The following BANF2 variants were observed in gnomAD, a reference collection of about 807,000 sequenced individuals.
The protein encoded by BANF2 is BANF family member 2.
Under a neutral mutation model 8.0 loss-of-function variants are expected in BANF2, and 4 were observed. The observed-to-expected ratio is 0.50, with a 90% confidence interval of 0.25 to 1.14. The LOEUF (loss-of-function observed/expected upper bound fraction) is 1.14. BANF2 is among the 50% of genes most tolerant of loss of function. The pLI is 0.16. For missense variants in BANF2, 96 were observed against 107.5 expected (o/e 0.89, Z 0.47); for synonymous variants, 50 against 40.6 (o/e 1.23, Z -0.88).
chr20:17,712,713 C>T (rs966537977), intron 1 of BANF2, among the ~76,000 whole-genome samples: 8 of 152,042 alleles, frequency 5.3e-5, no homozygotes, highest in Non-Finnish European at 8.8e-5. Context: ...TTCTCCCTCC[C>T]GAGACAACAT....
chr20:17,693,993 G>T (rs943473317), intron 1 of BANF2, among the ~76,000 whole-genome samples: 3 of 152,234 alleles, frequency 2.0e-5, no homozygotes, highest in Non-Finnish European at 4.4e-5. Context: ...ACTGGGGTGG[G>T]AACAAGCAGC....
upstream of BANF2, chr20:17,699,941 T>G (rs1265275831): frequency 1.0e-6 from 1 of 974,578 alleles, no homozygotes; most frequent in East Asian, 1.1e-4. Context: ...TTCAGGATCT[T>G]GAGACTGATT....
intron 1 of BANF2, among the ~76,000 whole-genome samples, chr20:17,701,883 G>A (rs896771530): frequency 1.3e-5 from 2 of 152,184 alleles, no homozygotes; most frequent in Non-Finnish European, 2.9e-5. Context: ...CTGATCAAAC[G>A]TTCCCATGCC....
intron 3 of BANF2, among the ~76,000 whole-genome samples, chr20:17,734,870 C>G (rs575663883): frequency 2.0e-5 from 3 of 152,038 alleles, no homozygotes; most frequent in Non-Finnish European, 4.4e-5. Context: ...GTGGATCACC[C>G]GAGATCAGGA....
chr20:17,694,893 C>T (rs941745545), intron 1 of BANF2, among the ~76,000 whole-genome samples: 8 of 151,846 alleles, frequency 5.3e-5, no homozygotes, highest in African/African-American at 1.9e-4. Context: ...AAGTGCTGGG[C>T]TTATAGGTGT....
upstream of BANF2, among the ~76,000 whole-genome samples, chr20:17,695,983 T>C (rs1271218502): frequency 6.6e-6 from 1 of 152,228 alleles, no homozygotes. Context: ...AGGTTTATCA[T>C]GTCATCATAT....
intron 1 of BANF2, among the ~76,000 whole-genome samples, chr20:17,710,388 C>T (rs557057742): frequency 3.3e-5 from 5 of 152,286 alleles, no homozygotes; most frequent in African/African-American, 7.2e-5. Flanking sequence ...TTTGCCTCTT[C>T]GGGCCTCCAT....
intron 1 of BANF2, among the ~76,000 whole-genome samples, chr20:17,702,347 G>C (rs780410746): frequency 3.9e-5 from 6 of 152,226 alleles, no homozygotes; most frequent in Non-Finnish European, 5.9e-5. Flanking sequence ...GATGGGGCAA[G>C]ATGGAGCGAT....
chr20:17,721,517 G>T (rs191728591), intron 1 of BANF2, among the ~76,000 whole-genome samples: 1 of 151,634 alleles, frequency 6.6e-6, no homozygotes, highest in Non-Finnish European at 1.5e-5. Context: ...TCAGCCTCCC[G>T]AGTAGTTGGG....
chr20:17,722,822 T>C lies in BANF2; in HGVS notation c.-60T>C, dbSNP rs1300875059. On this transcript the variant is annotated 5_prime_UTR_variant, in exon 2 of 4. Transcript: ENST00000246090. The stretch of plus-strand genomic sequence containing the variant: ...GAGAGTTCAGTGTCTTCTGAAATGT[T>C]ACAAAACGTCCTTCAGAGCAAGAAG... 1.5e-5 allele frequency: 15 copies of C among 985,160 alleles called. No homozygotes were observed. Among genetic ancestry groups the C allele is most frequent in the Non-Finnish European group, 1.7e-5 (14 of 829,816 alleles). 61.0% of individuals were successfully genotyped at this position (985,160 alleles called of 1,614,324 possible).
chr20:17,722,867 C>G lies in BANF2; in HGVS notation c.-15C>G. The G allele has an allele frequency of 1.0e-6, 1 of 985,356 alleles. No individual in the cohort carries two copies. Among genetic ancestry groups the G allele is most frequent in the Non-Finnish European group, 1.2e-6 (1 of 829,848 alleles). 61.0% of individuals were successfully genotyped at this position (985,356 alleles called of 1,614,324 possible). On this transcript the variant is annotated 5_prime_UTR_variant, in exon 2 of 4. Transcript: ENST00000246090. ...AAGAAGGCGTACACGAGGAGCTCGA[C>G]TCTGTAGAAAGGTCTGGAGGAGGAT...
intron 3 of BANF2, 64 bp downstream of exon 3, chr20:17,725,215 G>C: frequency 6.5e-7 from 1 of 1,536,990 alleles, no homozygotes. Context: ...AGTCCTGCCA[G>C]ATGGCAGTTC....
chr20:17,719,470 G>A (rs1438388200), intron 1 of BANF2, among the ~76,000 whole-genome samples: 1 of 151,948 alleles, frequency 6.6e-6, no homozygotes, highest in Non-Finnish European at 1.5e-5. Flanking sequence ...ACCTTCTTAG[G>A]CCTTGGTTTT....
At chr20:17,701,140 G>A (rs1260370368) in intron 1 of BANF2, among the ~76,000 whole-genome samples, 2 of 152,134 alleles carry the variant, frequency 1.3e-5, no homozygotes, top group Non-Finnish European at 2.9e-5. Context: ...AATCCAAGAC[G>A]CCAATGGTTC....
At chr20:17,704,570 T>C (rs2037454726) in intron 1 of BANF2, among the ~76,000 whole-genome samples, 1 of 152,230 alleles carries the variant, frequency 6.6e-6, no homozygotes, top group African/African-American at 2.4e-5. Flanking sequence ...GCATCTGGGC[T>C]TGTGCCCACA....
chr20:17,724,797 C>G (rs1000896298), intron 2 of BANF2, among the ~76,000 whole-genome samples: 1 of 152,216 alleles, frequency 6.6e-6, no homozygotes, highest in Non-Finnish European at 1.5e-5. Flanking sequence ...CTGTGGCCAT[C>G]ATTCGGCTTC....
At chr20:17,734,519 G>C (rs2037947757) in intron 3 of BANF2, among the ~76,000 whole-genome samples, 3 of 152,188 alleles carry the variant, frequency 2.0e-5, no homozygotes, top group Non-Finnish European at 2.9e-5. Flanking sequence ...AGTTGCCTGA[G>C]ATCACACAGG....
intron 1 of BANF2, among the ~76,000 whole-genome samples, chr20:17,694,030 C>T (rs1053671953): frequency 3.3e-5 from 5 of 152,174 alleles, no homozygotes; most frequent in Admixed American, 1.3e-4. Flanking sequence ...CTCCTTGTTG[C>T]GATGAATTGG....
In BANF2 at chr20:17,707,918, C is replaced by T. The variant is rs143633965; in HGVS notation, c.-167+7863C>T. On this transcript the variant is annotated intron_variant, in intron 1 of 3. Coordinates refer to ENST00000246090, the MANE Select transcript of BANF2 (RefSeq NM_178477.5). ...TTTTTTAAGAATCAAAACTTGACTA[C>T]GGGCTGGACACGGTGTCTCATGCCT... Among the ~76,000 whole-genome samples the T allele has an allele frequency of 7.7e-3, 1,158 of 150,784 alleles. 7 individuals carry two copies. Among genetic ancestry groups the T allele is most frequent in the South Asian group, 0.029 (131 of 4,594 alleles).
Sources: allele counts gnomAD v4.1 joint callset (sites outside exome capture counted in the v4.1 genomes callset), GRCh38; gene constraint gnomAD v4.1.1; transcripts MANE v1.5; gene names NCBI Gene and HGNC (gene_info 2026-07-23, HGNC 2026-07-21).